The following TPH2 variants were observed in gnomAD, a reference collection of about 807,000 sequenced individuals.
The protein encoded by TPH2 is tryptophan hydroxylase 2.
In TPH2, 27 loss-of-function variants were observed where a neutral mutation model predicts 59.1. That is an observed-to-expected ratio of 0.46 (90% CI 0.34 to 0.63). TPH2 has a LOEUF of 0.63. Ranked by LOEUF, TPH2 falls within the 30% of genes least tolerant of loss-of-function variation. TPH2 has a pLI of 0.01. For synonymous variants in TPH2, 220 were observed against 210.5 expected, an observed-to-expected ratio of 1.05 and a Z score of -0.39; for missense variants, 523 against 588.3, an observed-to-expected ratio of 0.89 and a Z score of 1.15.
rs1226295846 is a variant in TPH2, at chr12:72,017,545, C to T, written c.1069-4854C>T. ...GAACACCAGCTTTGATGAAAGATAC[C>T]CTTCAATTTGGGAGGTGTTAGTCTT... On this transcript the variant is annotated intron_variant, in intron 8 of 10. Transcript: ENST00000333850. Among the ~76,000 whole-genome samples, 5 of 151,704 alleles carry T rather than the reference C, an allele frequency of 3.3e-5. No homozygotes were observed. The South Asian group carries it at 1.0e-3, about 32-fold the overall frequency.
At chr12:72,010,539 A>G (rs186963918) in intron 8 of TPH2, among the ~76,000 whole-genome samples, 12 of 152,254 alleles carry the variant, frequency 7.9e-5, no homozygotes, top group Admixed American at 7.2e-4. Flanking sequence ...GCTCAGTGCA[A>G]TGGAGTGGCA....
At chr12:72,022,318 AC>A (rs780441806) in intron 8 of TPH2, 80 bp from the exon 9 acceptor site, 42 of 901,986 alleles carry the variant, frequency 4.7e-5, no homozygotes, top group Non-Finnish European at 7.1e-5. Flanking sequence ...TGCACAGCCC[AC>A]CATTTTGTTT....
chr12:71,998,755 C>T (rs1171870931), intron 8 of TPH2, among the ~76,000 whole-genome samples: 2 of 152,102 alleles, frequency 1.3e-5, no homozygotes, highest in Non-Finnish European at 2.9e-5. Context: ...CTGATTTCCT[C>T]AAAGTTGTTC....
At chr12:71,996,326 G>A (rs1393520844) in intron 8 of TPH2, among the ~76,000 whole-genome samples, 1 of 152,158 alleles carries the variant, frequency 6.6e-6, no homozygotes, top group Non-Finnish European at 1.5e-5. Flanking sequence ...TGTTCACATT[G>A]GCCATATTCC....
chr12:72,008,898 A>T (rs1873025636), intron 8 of TPH2, among the ~76,000 whole-genome samples: 1 of 152,166 alleles, frequency 6.6e-6, no homozygotes, highest in Admixed American at 6.6e-5. Context: ...CCTCTAAAAA[A>T]GGGATTACAA....
chr12:72,015,421 G>A (rs561791396), intron 8 of TPH2, among the ~76,000 whole-genome samples: 5 of 146,072 alleles, frequency 3.4e-5, no homozygotes, highest in East Asian at 2.1e-4. Flanking sequence ...CCGGGTTCAC[G>A]CCATTCTCCT....
intron 7 of TPH2, among the ~76,000 whole-genome samples, chr12:71,983,894 C>A (rs545039957): frequency 6.6e-6 from 1 of 152,112 alleles, no homozygotes; most frequent in South Asian, 2.1e-4. Context: ...GTTTAAAAGG[C>A]AAAGTGAGAG....
chr12:71,979,771 T>C (rs1172329645), intron 7 of TPH2, among the ~76,000 whole-genome samples: 1 of 152,352 alleles, frequency 6.6e-6, no homozygotes, highest in South Asian at 2.1e-4. Flanking sequence ...ATGTTAATCA[T>C]TTGGCCTAAT....
chr12:71,997,386 A>G (rs920826412), intron 8 of TPH2, among the ~76,000 whole-genome samples: 4 of 152,218 alleles, frequency 2.6e-5, no homozygotes, highest in Admixed American at 1.3e-4. Flanking sequence ...GGATTAGGCC[A>G]TCAAAATCTT....
chr12:71,985,807 G>A (rs1349695849), intron 7 of TPH2, among the ~76,000 whole-genome samples: 2 of 152,064 alleles, frequency 1.3e-5, no homozygotes, highest in African/African-American at 2.4e-5. Flanking sequence ...TCCAGTTCTC[G>A]GCCCAACTTC....
intron 4 of TPH2, among the ~76,000 whole-genome samples, chr12:71,945,426 AT>A (rs201079707): frequency 6.6e-6 from 1 of 152,052 alleles, no homozygotes; most frequent in East Asian, 1.9e-4. Context: ...CATTATAGGC[AT>A]TTTTTCCCTC....
At chr12:71,979,798 C>T (rs1250615604) in intron 7 of TPH2, among the ~76,000 whole-genome samples, 2 of 152,328 alleles carry the variant, frequency 1.3e-5, no homozygotes, top group Non-Finnish European at 2.9e-5. Flanking sequence ...TGGGATTGTA[C>T]AGTCTCCAAG....
At chr12:72,008,282 C>T (rs1421248585) in intron 8 of TPH2, among the ~76,000 whole-genome samples, 1 of 152,204 alleles carries the variant, frequency 6.6e-6, no homozygotes, top group African/African-American at 2.4e-5. Context: ...ATCTAATGGG[C>T]TATCTCTACC....
At chr12:72,024,551 C>G (rs1019923107) in intron 9 of TPH2, among the ~76,000 whole-genome samples, 17 of 152,242 alleles carry the variant, frequency 1.1e-4, no homozygotes, top group Admixed American at 6.5e-5. Flanking sequence ...GGCATGCACT[C>G]TATAGAGTGT....
chr12:72,015,869 T>C (rs1215560169), intron 8 of TPH2, among the ~76,000 whole-genome samples: 2 of 152,000 alleles, frequency 1.3e-5, no homozygotes, highest in Non-Finnish European at 2.9e-5. Flanking sequence ...TAGAAAGAGA[T>C]GGGGCAGTGT....
chr12:72,026,522 G>A (rs1873571908), intron 9 of TPH2, among the ~76,000 whole-genome samples: 1 of 152,190 alleles, frequency 6.6e-6, no homozygotes, highest in African/African-American at 2.4e-5. Context: ...GGGCCTTGCA[G>A]GTTCTCTGAT....
At chr12:71,949,509 C>T (rs1246696085) in intron 4 of TPH2, 79 bp from the exon 5 acceptor site, 1 of 1,188,452 alleles carries the variant, frequency 8.4e-7, no homozygotes, top group African/African-American at 1.5e-5. Context: ...CACTCAGACA[C>T]CACAGTGATT....
intron 1 of TPH2, 68 bp from the exon 2 acceptor site, chr12:71,941,516 A>G: frequency 6.4e-7 from 1 of 1,552,988 alleles, no homozygotes. Context: ...TATGGGAAAA[A>G]TCTAATTACG....
chr12:71,984,618 G>A (rs1472913420), intron 7 of TPH2, among the ~76,000 whole-genome samples: 1 of 152,206 alleles, frequency 6.6e-6, no homozygotes, highest in East Asian at 1.9e-4. Context: ...CCCACGAGCT[G>A]TGTTTAGCTT....
Sources: gnomAD v4.1 joint callset for allele counts (sites outside exome capture counted in the v4.1 genomes callset) on GRCh38, gnomAD v4.1.1 for gene constraint, MANE v1.5 for transcripts, NCBI Gene and HGNC (gene_info 2026-07-23, HGNC 2026-07-21) for gene names.